The following GRID2 variants were observed in gnomAD, a reference collection of about 807,000 sequenced individuals.
GRID2 encodes the protein glutamate receptor ionotropic, delta-2.
GRID2 carries 33 observed loss-of-function variants against 114.8 expected under a neutral mutation model. The observed-to-expected ratio is 0.29, with a 90% CI of 0.22 to 0.38. The LOEUF is 0.38. Ranked by LOEUF, GRID2 falls within the 10% of genes least tolerant of loss-of-function variation. The pLI is 1.00. For missense variants in GRID2, 1,184 were observed against 1,257.7 expected, an observed-to-expected ratio of 0.94 and a Z score of 0.89; for synonymous variants, 505 against 449.9, an observed-to-expected ratio of 1.12 and a Z score of -1.55.
chr4:92,775,133 T>A (rs760793562), intron 2 of GRID2, among the ~76,000 whole-genome samples: 2 of 152,110 alleles, frequency 1.3e-5, no homozygotes, highest in Non-Finnish European at 2.9e-5. Context: ...TGAGTTATCA[T>A]TAGAGTTAGT....
chr4:93,788,326 A>AG (rs1252390575), intron 1 of GRID2, among the ~76,000 whole-genome samples: 13 of 152,028 alleles, frequency 8.6e-5, no homozygotes, highest in African/African-American at 2.9e-4. Context: ...CAAAAAAAAA[A>AG]GAAAAGAAAA....
At chr4:92,973,659 T>A (rs1753664870) in intron 2 of GRID2, among the ~76,000 whole-genome samples, 1 of 152,170 alleles carries the variant, frequency 6.6e-6, no homozygotes, top group African/African-American at 2.4e-5. Context: ...CAATGTGAGA[T>A]GTGAAAGTGG....
At chr4:93,477,081 T>C (rs1180141931) in intron 11 of GRID2, among the ~76,000 whole-genome samples, 3 of 152,058 alleles carry the variant, frequency 2.0e-5, no homozygotes, top group South Asian at 4.2e-4. Flanking sequence ...GGTGCTGATA[T>C]CTTGTGAGGG....
At chr4:92,478,810 A>T (rs1722442742) in intron 1 of GRID2, among the ~76,000 whole-genome samples, 1 of 152,060 alleles carries the variant, frequency 6.6e-6, no homozygotes, top group Non-Finnish European at 1.5e-5. Context: ...ATAGAATTTC[A>T]AATTTGTCAT....
intron 14 of GRID2, among the ~76,000 whole-genome samples, chr4:93,740,751 C>T (rs1221378916): frequency 6.6e-6 from 1 of 152,078 alleles, no homozygotes; most frequent in African/African-American, 2.4e-5. Flanking sequence ...AGTCATCACA[C>T]ATATATTTCT....
intron 2 of GRID2, among the ~76,000 whole-genome samples, chr4:92,838,001 A>T (rs935745726): frequency 6.6e-6 from 1 of 152,050 alleles, no homozygotes; most frequent in African/African-American, 2.4e-5. Context: ...ATAATGTTTT[A>T]AAAAAATGAG....
intron 1 of GRID2, among the ~76,000 whole-genome samples, chr4:92,577,631 A>C (rs931550707): frequency 9.2e-5 from 14 of 152,204 alleles, no homozygotes; most frequent in Admixed American, 7.9e-4. Flanking sequence ...TGGTTGTAAC[A>C]GGACTTGGTA....
intron 13 of GRID2, among the ~76,000 whole-genome samples, chr4:93,592,962 A>C (rs369800509): frequency 0.024 from 3,562 of 151,048 alleles, 59 homozygotes; most frequent in East Asian, 0.063. Flanking sequence ...TCTGCACGTG[A>C]GATGGGTTTC....
intron 2 of GRID2, among the ~76,000 whole-genome samples, chr4:92,855,598 TATAC>T: frequency 6.6e-6 from 1 of 152,076 alleles, no homozygotes; most frequent in South Asian, 2.1e-4. Context: ...ATATTGCAAA[TATAC>T]ATACTATACA....
chr4:92,709,267 A>T (rs1413337343), intron 2 of GRID2, among the ~76,000 whole-genome samples: 1 of 152,186 alleles, frequency 6.6e-6, no homozygotes, highest in Non-Finnish European at 1.5e-5. Context: ...ACTAAAATTT[A>T]ATAGTAATTA....
intron 2 of GRID2, among the ~76,000 whole-genome samples, chr4:92,696,198 A>G (rs867513860): frequency 2.3e-4 from 35 of 152,114 alleles, no homozygotes; most frequent in African/African-American, 8.0e-4. Flanking sequence ...TAAGATAAGG[A>G]CACCAGATAC....
intron 4 of GRID2, among the ~76,000 whole-genome samples, chr4:93,118,979 G>T (rs1733533764): frequency 1.3e-5 from 2 of 152,162 alleles, no homozygotes; most frequent in Admixed American, 6.5e-5. Flanking sequence ...CAAAGAAATT[G>T]CTCACTTAGC....
downstream of GRID2, among the ~76,000 whole-genome samples, chr4:93,775,769 TCATA>T (rs2110346888): frequency 6.6e-6 from 1 of 152,342 alleles, no homozygotes; most frequent in East Asian, 1.9e-4. Context: ...TTTGGTTTAA[TCATA>T]CATACTTAAA....
intron 2 of GRID2, among the ~76,000 whole-genome samples, chr4:92,801,313 A>G (rs558654216): frequency 7.2e-5 from 11 of 152,076 alleles, no homozygotes; most frequent in African/African-American, 2.6e-4. Flanking sequence ...TGTTCACAAT[A>G]TTATGCTAAG....
chr4:92,997,700 A>G (rs1755288444), intron 2 of GRID2, among the ~76,000 whole-genome samples: 1 of 152,100 alleles, frequency 6.6e-6, no homozygotes, highest in African/African-American at 2.4e-5. Context: ...TCTGATTCTC[A>G]GTTTCTTCTT....
intron 2 of GRID2, among the ~76,000 whole-genome samples, chr4:92,732,759 C>T (rs980113335): frequency 1.6e-4 from 24 of 152,068 alleles, no homozygotes; most frequent in African/African-American, 5.8e-4. Context: ...CTAACAGAAA[C>T]AGGAGAACAT....
At chr4:92,633,754 A>G (rs1730924606) in intron 2 of GRID2, among the ~76,000 whole-genome samples, 1 of 152,154 alleles carries the variant, frequency 6.6e-6, no homozygotes, top group Non-Finnish European at 1.5e-5. Context: ...TAATGGCCAT[A>G]TTTGTTAAAA....
chr4:92,416,624 T>C (rs192255961), intron 1 of GRID2, among the ~76,000 whole-genome samples: 30 of 152,256 alleles, frequency 2.0e-4, no homozygotes, highest in South Asian at 6.2e-4. Context: ...CTACATGTGG[T>C]TTGTCAATTA....
At chr4:93,142,004 G>A (rs920537520) in intron 4 of GRID2, among the ~76,000 whole-genome samples, 1 of 152,120 alleles carries the variant, frequency 6.6e-6, no homozygotes, top group Admixed American at 6.5e-5. Flanking sequence ...TCCCAGCACT[G>A]TGGGCAGCCA....
Sources: allele counts gnomAD v4.1 joint callset (sites outside exome capture counted in the v4.1 genomes callset), GRCh38; gene constraint gnomAD v4.1.1; transcripts MANE v1.5; gene names NCBI Gene and HGNC (gene_info 2026-07-23, HGNC 2026-07-21).